Variants in SLMAP observed in about 807,000 individuals in gnomAD.
SLMAP encodes the protein sarcolemmal membrane-associated protein.
A neutral mutation model predicts 128.8 loss-of-function variants in SLMAP; 44 were observed. That is an observed-to-expected ratio of 0.34 (90% CI 0.27 to 0.44). SLMAP has a LOEUF of 0.44. Among genes scored for constraint, SLMAP ranks in the 20% least tolerant of loss-of-function variants. The pLI, the probability that SLMAP is intolerant of heterozygous loss-of-function variation, is 1.00. For synonymous variants in SLMAP, 327 were observed against 348.8 expected (o/e 0.94, Z 0.70); for missense variants, 787 against 985.3 (o/e 0.80, Z 2.69).
chr3:57,887,606 T>C (rs1176128039), intron 14 of SLMAP, among the ~76,000 whole-genome samples: 1 of 152,194 alleles, frequency 6.6e-6, no homozygotes, highest in Admixed American at 6.5e-5. Context: ...CTCCATATTG[T>C]CACTCAGAGA....
At chr3:57,861,863 A>G in intron 9 of SLMAP, 86 bp from the exon 10 acceptor site, 1 of 1,166,184 alleles carries the variant, frequency 8.6e-7, no homozygotes, top group Non-Finnish European at 1.2e-6. Context: ...ATAGAATTAT[A>G]CTTTTTATAA....
chr3:57,834,392 GATGAGAA>G (rs1454238624), intron 3 of SLMAP, among the ~76,000 whole-genome samples: 4 of 151,844 alleles, frequency 2.6e-5, no homozygotes, highest in Non-Finnish European at 5.9e-5. Context: ...AAATATACAA[GATGAGAA>G]ATGAGAAAGG....
At chr3:57,766,478 G>C (rs967186848) in intron 2 of SLMAP, among the ~76,000 whole-genome samples, 3 of 152,058 alleles carry the variant, frequency 2.0e-5, no homozygotes, top group African/African-American at 7.3e-5. Context: ...CAAGAAAAAT[G>C]GTGGCATTTA....
In SLMAP at chr3:57,757,655, C is replaced by G; in HGVS notation, c.4C>G (p.Pro2Ala). 4.3e-6 allele frequency: 7 copies of G among 1,614,046 alleles called. No individual in the cohort carries two copies. The highest frequency in any genetic ancestry group is 5.9e-6 in the Non-Finnish European group (7 of 1,179,998). Reference sequence around the variant, plus strand: ...AGACACCCCCAGTCTATCCTCGATGCCGTCAGCCTTGGCCATCTTCACTTG... The same window carrying G: ...AGACACCCCCAGTCTATCCTCGATGGCGTCAGCCTTGGCCATCTTCACTTG... The part of the protein sequence containing the change: M[P>A]SALAIFTCRP... The change falls in exon 2 of 25, where the codon CCG (proline) becomes GCG (alanine). Residue 2 changes from proline (P) to alanine (A), a missense_variant. Physicochemically the swap from Pro to Ala is conservative, Grantham distance 27 (BLOSUM62 -1). This residue lies in a region of SLMAP where 72 missense variants were observed against 141.8 expected (regional missense o/e 0.51). Coordinates refer to ENST00000671191, the MANE Select transcript of SLMAP (RefSeq NM_001377540.1).
At chr3:57,855,728 A>AAC (rs1390322716) in intron 6 of SLMAP, among the ~76,000 whole-genome samples, 1 of 147,528 alleles carries the variant, frequency 6.8e-6, no homozygotes, top group Non-Finnish European at 1.5e-5. Flanking sequence ...AAAAAAAACA[A>AAC]AAAAAAAAAC....
chr3:57,823,243 A>T (rs999067718), intron 2 of SLMAP, among the ~76,000 whole-genome samples: 1 of 151,896 alleles, frequency 6.6e-6, no homozygotes, highest in Non-Finnish European at 1.5e-5. Context: ...TTATACTTTT[A>T]AGTTTTAGGG....
At position 57,910,407 on chromosome 3, in the gene SLMAP, C is replaced by T. The variant is rs1045279610; in HGVS notation, c.1699+1257C>T. On this transcript the variant is annotated intron_variant, in intron 19 of 24. Coordinates refer to ENST00000671191, the MANE Select transcript of SLMAP (RefSeq NM_001377540.1). ...CTATATTGGCCAGGCTGGTCTCAAA[C>T]TCCTGACCTCGTGATCCACCCACCT... is the stretch of plus-strand genomic sequence containing the variant. 8.5e-5 allele frequency among the ~76,000 whole-genome samples: 13 copies of T among 152,210 alleles called. No individual in the cohort carries two copies. In the South Asian group the frequency reaches 2.1e-3, roughly 24 times the overall value.
Position 57,913,264 on chromosome 3 carries a change from A to G in SLMAP, c.2127A>G (p.Lys709=). 2 of 1,498,416 alleles carry G rather than the reference A, an allele frequency of 1.3e-6. No homozygotes were observed. The highest frequency in any genetic ancestry group is 1.2e-5 in the South Asian group (1 of 83,438). The allele number at this position is 1,498,416 out of a possible 1,614,324, so 92.8% of individuals were successfully genotyped here. A position where few individuals can be genotyped will look rare whatever the true frequency, so the allele number is the denominator to read the frequency against. Residue 709 remains lysine, a synonymous_variant, in exon 21 of 25, where the codon AAA becomes AAG. Transcript: ENST00000671191. ...LLSSELQRQE[K]ELHNSQKQSL... ...CATCAGAACTGCAACGGCAAGAAAA[A>G]GAATTGCACAAGTATGCAAGAACTC... is the stretch of plus-strand genomic sequence containing the variant.
chr3:57,896,233 G>A (rs2096242369), intron 15 of SLMAP: 6 of 1,113,708 alleles, frequency 5.4e-6, no homozygotes, highest in Admixed American at 4.9e-5. Context: ...AGCTTGCTTC[G>A]TTTTTGTTTC....
At chr3:57,815,236 C>T (rs779152081) in intron 2 of SLMAP, among the ~76,000 whole-genome samples, 4 of 152,126 alleles carry the variant, frequency 2.6e-5, no homozygotes, top group Admixed American at 1.3e-4. Flanking sequence ...CAGGAAGTGG[C>T]GCTCACGTGG....
chr3:57,921,859 C>T (rs2096925473), intron 22 of SLMAP, among the ~76,000 whole-genome samples: 1 of 152,048 alleles, frequency 6.6e-6, no homozygotes, highest in South Asian at 2.1e-4. Context: ...GCATGCACAA[C>T]CATGCCTGGC....
At chr3:57,885,078 T>TTC (rs2153639111) in intron 14 of SLMAP, among the ~76,000 whole-genome samples, 1 of 151,966 alleles carries the variant, frequency 6.6e-6, no homozygotes, top group East Asian at 1.9e-4. Flanking sequence ...GAAATTTTTT[T>TTC]TTTTTTTTTT....
At chr3:57,791,454 A>G (rs1183737021) in intron 2 of SLMAP, among the ~76,000 whole-genome samples, 1 of 152,204 alleles carries the variant, frequency 6.6e-6, no homozygotes, top group Admixed American at 6.5e-5. Flanking sequence ...TAAAGCATGT[A>G]TGTCAAAACC....
intron 2 of SLMAP, among the ~76,000 whole-genome samples, chr3:57,767,578 AC>A (rs2080005419): frequency 6.6e-6 from 1 of 152,254 alleles, no homozygotes; most frequent in Non-Finnish European, 1.5e-5. Flanking sequence ...ATGAACTATT[AC>A]AATTTCACAC....
At chr3:57,779,521 A>C (rs951006648) in intron 2 of SLMAP, among the ~76,000 whole-genome samples, 3 of 151,856 alleles carry the variant, frequency 2.0e-5, no homozygotes, top group African/African-American at 4.8e-5. Context: ...AAAAAAAAAA[A>C]AAAACAAAAA....
chr3:57,889,092 G>A (rs991853283), intron 14 of SLMAP, among the ~76,000 whole-genome samples: 2 of 152,110 alleles, frequency 1.3e-5, no homozygotes, highest in African/African-American at 2.4e-5. Flanking sequence ...CATCATGTTA[G>A]CCAGGATGGT....
intron 13 of SLMAP, among the ~76,000 whole-genome samples, chr3:57,867,036 G>T (rs1040005637): frequency 6.6e-5 from 10 of 152,002 alleles, no homozygotes; most frequent in Non-Finnish European, 1.3e-4. Context: ...AAATTAGCTG[G>T]GCGTGGTGGC....
chr3:57,862,120 C>T, intron 10 of SLMAP, 34 bp downstream of exon 10: 2 of 1,501,964 alleles, frequency 1.3e-6, no homozygotes, highest in Non-Finnish European at 1.8e-6. Flanking sequence ...GTATGTTAAG[C>T]TAATAATCCC....
intron 10 of SLMAP, among the ~76,000 whole-genome samples, chr3:57,863,520 TCACAG>T (rs2095186663): frequency 6.6e-6 from 1 of 152,200 alleles, no homozygotes; most frequent in Non-Finnish European, 1.5e-5. Context: ...TTTATTTGGC[TCACAG>T]TTCTGCAGGC....
Sources: allele counts gnomAD v4.1 joint callset (sites outside exome capture counted in the v4.1 genomes callset), GRCh38; gene constraint gnomAD v4.1.1; regional missense constraint gnomAD v4.1.1; transcripts MANE v1.5; gene names NCBI Gene and HGNC (gene_info 2026-07-23, HGNC 2026-07-21).